The following L2HGDH variants were observed in gnomAD, a reference collection of about 807,000 sequenced individuals.
The protein encoded by L2HGDH is L-2-hydroxyglutarate dehydrogenase, also known as L-2-hydroxyglutarate dehydrogenase, mitochondrial.
In L2HGDH, 34 loss-of-function variants were observed where a neutral mutation model predicts 51.5. The ratio of observed to expected loss-of-function variants is 0.66; its 90% CI spans 0.50 to 0.88. The LOEUF (loss-of-function observed/expected upper bound fraction) is 0.88, where lower values mean the gene tolerates loss of function less well. Ranked by LOEUF, L2HGDH falls within the 40% of genes least tolerant of loss-of-function variation. L2HGDH has a pLI of 0.00. For missense variants in L2HGDH, 558 were observed against 571.9 expected (o/e 0.98, Z 0.25); for synonymous variants, 198 against 197.9 (o/e 1.00, Z -0.01).
chr14:50,299,158 G>A (rs1389016588), intron 3 of L2HGDH, among the ~76,000 whole-genome samples: 1 of 151,994 alleles, frequency 6.6e-6, no homozygotes, highest in Non-Finnish European at 1.5e-5. Flanking sequence ...CAATACCACA[G>A]TAATTCAAAA....
Position 50,285,640 on chromosome 14 carries a change from T to C in L2HGDH, c.541-1607A>G, listed in dbSNP as rs114664647. Among the ~76,000 whole-genome samples the C allele has an allele frequency of 8.4e-3, 1,282 of 152,330 alleles. 20 individuals carry two copies. Among genetic ancestry groups the C allele is most frequent in the African/African-American group, 0.03 (1,241 of 41,574 alleles). ...TTATGTGACAAGTATAACAGAGGGATAAAAACATTCTGTAAAAGTGCTTAA... is the reference window on the plus strand; with the variant it reads ...TTATGTGACAAGTATAACAGAGGGACAAAAACATTCTGTAAAAGTGCTTAA... On this transcript the variant is annotated intron_variant, in intron 4 of 9. Coordinates refer to ENST00000267436, the MANE Select transcript of L2HGDH (RefSeq NM_024884.3).
chr14:50,277,823 A>C (rs141380237), intron 6 of L2HGDH, among the ~76,000 whole-genome samples: 3,678 of 120,082 alleles, frequency 0.031, 57 homozygotes, highest in African/African-American at 0.049. Context: ...TAATAATAAT[A>C]ATAATCTGGT....
intron 9 of L2HGDH, among the ~76,000 whole-genome samples, chr14:50,251,500 T>C (rs1888348963): frequency 6.6e-6 from 1 of 152,076 alleles, no homozygotes; most frequent in South Asian, 2.1e-4. Flanking sequence ...TAGAGAAAGA[T>C]ATCAACATTT....
At chr14:50,269,493 G>C (rs1012161179) in intron 6 of L2HGDH, among the ~76,000 whole-genome samples, 163 bp from the exon 7 acceptor site, 1 of 152,132 alleles carries the variant, frequency 6.6e-6, no homozygotes, top group African/African-American at 2.4e-5. Context: ...TAGCATTTAG[G>C]TGGCAGCTAG....
At position 50,311,481 on chromosome 14, in the gene L2HGDH, T is replaced by C. The variant is rs951443989; in HGVS notation, c.140+530A>G. The C allele has an allele frequency of 6.6e-6, 3 of 456,196 alleles. No homozygotes were observed. The Admixed American group carries it at 7.0e-5, about 11-fold the overall frequency. 28.3% of individuals were successfully genotyped at this position (456,196 alleles called of 1,614,324 possible). ...ATGGTTTCGAATGTGACGTCCAAACTATAAATCACAGGACACTGAATTCTG... is the reference window on the plus strand; with the variant it reads ...ATGGTTTCGAATGTGACGTCCAAACCATAAATCACAGGACACTGAATTCTG... On this transcript the variant is annotated intron_variant, in intron 1 of 9. Transcript: ENST00000267436.
At chr14:50,250,045 G>A (rs181332169) in intron 9 of L2HGDH, among the ~76,000 whole-genome samples, 442 of 152,100 alleles carry the variant, frequency 2.9e-3, no homozygotes, top group Admixed American at 5.9e-3. Flanking sequence ...GGGATTACAG[G>A]TGCACTCCAC....
chr14:50,256,586 T>C (rs1888679612), intron 9 of L2HGDH, among the ~76,000 whole-genome samples: 1 of 152,108 alleles, frequency 6.6e-6, no homozygotes, highest in Non-Finnish European at 1.5e-5. Context: ...CCTGATAATC[T>C]GTCTTAACTA....
intron 1 of L2HGDH, among the ~76,000 whole-genome samples, chr14:50,309,292 G>C (rs528948393): frequency 5.3e-5 from 8 of 152,320 alleles, no homozygotes; most frequent in South Asian, 2.1e-4. Flanking sequence ...GCCGGGTGCA[G>C]TGGCTCATGC....
At chr14:50,283,796 G>T in intron 5 of L2HGDH, 75 bp downstream of exon 5, 1 of 1,314,008 alleles carries the variant, frequency 7.6e-7, no homozygotes, top group Non-Finnish European at 1.1e-6. Context: ...TCCTCAGTTG[G>T]TTAAAACCAC....
At chr14:50,254,477 G>C (rs1268299937) in intron 9 of L2HGDH, among the ~76,000 whole-genome samples, 1 of 152,010 alleles carries the variant, frequency 6.6e-6, no homozygotes, top group Non-Finnish European at 1.5e-5. Flanking sequence ...ACTATTTATA[G>C]TTTATCTGAA....
At position 50,304,543 on chromosome 14, in the gene L2HGDH, T is replaced by A. The variant is rs530641695; in HGVS notation, c.141-1526A>T. On this transcript the variant is annotated intron_variant, in intron 1 of 9. Transcript: ENST00000267436. ...GGCAAATCCTGATTATACAACCATT[T>A]ACAAAATTAGGGCCGGGCGTGGTGG... Among the ~76,000 whole-genome samples the A allele has an allele frequency of 2.6e-4, 39 of 152,302 alleles. 1 individual carries two copies. Among genetic ancestry groups the A allele is most frequent in the African/African-American group, 9.4e-4 (39 of 41,568 alleles).
intron 4 of L2HGDH, among the ~76,000 whole-genome samples, chr14:50,286,424 C>T (rs117011774): frequency 6.6e-6 from 1 of 152,212 alleles, no homozygotes; most frequent in African/African-American, 2.4e-5. Flanking sequence ...TTTCCAAGGG[C>T]CTCTCCCCGA....
At chr14:50,250,852 G>T (rs960705118) in intron 9 of L2HGDH, among the ~76,000 whole-genome samples, 1 of 152,204 alleles carries the variant, frequency 6.6e-6, no homozygotes, top group African/African-American at 2.4e-5. Flanking sequence ...TATTGGGCTT[G>T]TTACCCAAGT....
Position 50,242,826 on chromosome 14 carries a change from G to A in L2HGDH, c.*4232C>T. 2 of 985,404 alleles carry A rather than the reference G, an allele frequency of 2.0e-6. No individual in the cohort carries two copies. The highest frequency in any genetic ancestry group is 2.4e-6 in the Non-Finnish European group (2 of 829,924). 61.0% of individuals were successfully genotyped at this position (985,404 alleles called of 1,614,324 possible). ...TAATAGTGTATGCGCAGAAAGATGA[G>A]GAAACCTCTGACCAAGAAGTCTAGA... On this transcript the variant is annotated 3_prime_UTR_variant, in exon 10 of 10. Transcript: ENST00000267436.
In L2HGDH at chr14:50,245,404, G is replaced by C; in HGVS notation, c.*1654C>G. The C allele has an allele frequency of 1.0e-6, 1 of 985,276 alleles. No individual in the cohort carries two copies. Among genetic ancestry groups the C allele is most frequent in the Non-Finnish European group, 1.2e-6 (1 of 829,862 alleles). The allele number at this position is 985,276 out of a possible 1,614,324, so 61.0% of individuals were successfully genotyped here. A position where few individuals can be genotyped will look rare whatever the true frequency, so the allele number is the denominator to read the frequency against. ...GATTGAAGAACAGGACAACCACTCA[G>C]TGTACCACTGTTTAGATTTCATGAT... On this transcript the variant is annotated 3_prime_UTR_variant, in exon 10 of 10. Transcript: ENST00000267436.
chr14:50,286,953 C>G (rs1890599079), intron 4 of L2HGDH, among the ~76,000 whole-genome samples: 1 of 152,188 alleles, frequency 6.6e-6, no homozygotes, highest in African/African-American at 2.4e-5. Flanking sequence ...ATCTTCTTAT[C>G]TATCTACAGT....
At chr14:50,266,189 T>G (rs558350455) in intron 8 of L2HGDH, among the ~76,000 whole-genome samples, 1 of 151,148 alleles carries the variant, frequency 6.6e-6, no homozygotes, top group Non-Finnish European at 1.5e-5. Context: ...AAACTCAAAT[T>G]CCCAAGGAGT....
At chr14:50,286,688 T>C (rs958525067) in intron 4 of L2HGDH, among the ~76,000 whole-genome samples, 3 of 152,182 alleles carry the variant, frequency 2.0e-5, no homozygotes, top group Admixed American at 6.5e-5. Context: ...TGATTACAAC[T>C]TGGAATCATA....
At chr14:50,300,747 G>A (rs1004758872) in intron 3 of L2HGDH, among the ~76,000 whole-genome samples, 7 of 152,160 alleles carry the variant, frequency 4.6e-5, no homozygotes, top group African/African-American at 1.4e-4. Flanking sequence ...AGTGCTTGAA[G>A]CCAGGAGTTT....
Sources: gnomAD v4.1 joint callset for allele counts (sites outside exome capture counted in the v4.1 genomes callset) on GRCh38, gnomAD v4.1.1 for gene constraint, MANE v1.5 for transcripts, NCBI Gene and HGNC (gene_info 2026-07-23, HGNC 2026-07-21) for gene names.